Variants in MED13L observed in about 807,000 individuals in gnomAD.
The protein encoded by MED13L is mediator complex subunit 13L, also known as mediator of RNA polymerase II transcription subunit 13-like.
MED13L carries 7 observed loss-of-function variants against 220.9 expected under a neutral mutation model. The observed-to-expected ratio is 0.03, with a 90% CI of 0.02 to 0.06. MED13L has a LOEUF of 0.06. Ranked by LOEUF, MED13L falls within the 10% of genes least tolerant of loss-of-function variation. The probability of loss-of-function intolerance (pLI) is 1.00; values close to 1 mark genes in which losing one functional copy is unlikely to be tolerated. For synonymous variants in MED13L, 1,011 were observed against 1,015.2 expected (o/e 1.00, Z 0.08); for missense variants, 1,965 against 2,760.5 (o/e 0.71, Z 6.46).
At chr12:116,227,784 A>G (rs1309114902) in intron 2 of MED13L, among the ~76,000 whole-genome samples, 1 of 152,208 alleles carries the variant, frequency 6.6e-6, no homozygotes, top group Non-Finnish European at 1.5e-5. Context: ...TGTTCAAGTG[A>G]AAAGGAAGAA....
intron 4 of MED13L, among the ~76,000 whole-genome samples, chr12:116,028,606 C>T (rs1323757940): frequency 6.6e-6 from 1 of 152,134 alleles, no homozygotes; most frequent in East Asian, 1.9e-4. Context: ...ATAAATCAGA[C>T]ACAATGTAAC....
rs1875647571 is a variant in MED13L, at chr12:115,959,786, A to G, written c.*1480T>C. 6.6e-6 allele frequency: 1 copy of G among 152,620 alleles called. No individual in the cohort carries two copies. The highest frequency in any genetic ancestry group is 1.5e-5 in the Non-Finnish European group (1 of 68,030). 9.5% of individuals were successfully genotyped at this position (152,620 alleles called of 1,614,324 possible). On this transcript the variant is annotated 3_prime_UTR_variant, in exon 31 of 31. Transcript: ENST00000281928. ...AATATAATGTTTTAAACTTTAGATT[A>G]TTTCAAGAAAAATACTTTTACAAAA...
chr12:116,180,321 A>G (rs1880429622), intron 2 of MED13L, among the ~76,000 whole-genome samples: 1 of 152,224 alleles, frequency 6.6e-6, no homozygotes, highest in Admixed American at 6.5e-5. Context: ...ACATGATACC[A>G]CAAGCGAAAA....
chr12:116,039,760 A>G (rs986193783), intron 4 of MED13L, among the ~76,000 whole-genome samples: 4 of 152,116 alleles, frequency 2.6e-5, no homozygotes, highest in Non-Finnish European at 5.9e-5. Flanking sequence ...AGTGGAGATG[A>G]AAAAAGCATG....
intron 4 of MED13L, among the ~76,000 whole-genome samples, chr12:116,075,318 TACTACC>T (rs1288538920): frequency 2.0e-5 from 3 of 152,182 alleles, no homozygotes; most frequent in Admixed American, 6.5e-5. Context: ...GTATCACTAC[TACTACC>T]ACTTAATCTC....
chr12:116,016,370 T>C (rs1393793350), intron 7 of MED13L, among the ~76,000 whole-genome samples: 1 of 152,184 alleles, frequency 6.6e-6, no homozygotes, highest in Non-Finnish European at 1.5e-5. Flanking sequence ...AAAGTATTAC[T>C]ATATTACAAA....
chr12:116,028,377 T>A (rs939913247), intron 4 of MED13L, among the ~76,000 whole-genome samples: 4 of 152,184 alleles, frequency 2.6e-5, no homozygotes, highest in African/African-American at 9.7e-5. Flanking sequence ...TCACCCCATT[T>A]ATTTCATATA....
intron 2 of MED13L, among the ~76,000 whole-genome samples, chr12:116,190,497 T>C (rs969696818): frequency 2.0e-5 from 3 of 152,218 alleles, no homozygotes; most frequent in African/African-American, 7.2e-5. Context: ...TTAAAACACA[T>C]TCCTCCTTAT....
At chr12:116,028,684 G>T (rs1880546486) in intron 4 of MED13L, among the ~76,000 whole-genome samples, 1 of 152,096 alleles carries the variant, frequency 6.6e-6, no homozygotes, top group African/African-American at 2.4e-5. Flanking sequence ...ACTATCAAAT[G>T]AATACACAGA....
chr12:116,059,011 T>A (rs1218041436), intron 4 of MED13L, among the ~76,000 whole-genome samples: 1 of 152,248 alleles, frequency 6.6e-6, no homozygotes, highest in Non-Finnish European at 1.5e-5. Context: ...TACATTGATA[T>A]GTAATAGATT....
rs570754470 is a variant in MED13L, at chr12:116,042,304, G to A, written c.480-19703C>T. Among the ~76,000 whole-genome samples, 23 of 152,334 alleles carry A rather than the reference G, an allele frequency of 1.5e-4. No homozygotes were observed. The East Asian group carries it at 2.3e-3, about 15-fold the overall frequency. On this transcript the variant is annotated intron_variant, in intron 4 of 30. Coordinates refer to ENST00000281928, the MANE Select transcript of MED13L (RefSeq NM_015335.5). Reference sequence around the variant, plus strand: ...TACCATCTTGGCTATCCCTGAAAGTGTAATGAAGGAAACTTGAGTGTTGGA... The same window carrying A: ...TACCATCTTGGCTATCCCTGAAAGTATAATGAAGGAAACTTGAGTGTTGGA...
At chr12:115,967,170 C>CCA (rs753568544) in intron 28 of MED13L, among the ~76,000 whole-genome samples, 1 of 45,246 alleles carries the variant, frequency 2.2e-5, no homozygotes, top group Admixed American at 2.7e-4. Flanking sequence ...GACTCTGTCT[C>CCA]AAAAAAAAAA....
chr12:116,276,659 G>C, intron 1 of MED13L: 2 of 1,193,558 alleles, frequency 1.7e-6, no homozygotes, highest in Non-Finnish European at 2.1e-6. Flanking sequence ...AACGGGGGAA[G>C]AGGTTGCCGA....
At chr12:116,100,627 T>G (rs1373515197) in intron 3 of MED13L, among the ~76,000 whole-genome samples, 2 of 144,238 alleles carry the variant, frequency 1.4e-5, no homozygotes, top group Middle Eastern at 7.2e-3. Flanking sequence ...AAAAAATTAA[T>G]CAGCCAGGCA....
intron 4 of MED13L, among the ~76,000 whole-genome samples, chr12:116,065,752 T>C (rs1869871472): frequency 6.6e-6 from 1 of 152,198 alleles, no homozygotes; most frequent in East Asian, 1.9e-4. Flanking sequence ...GAAGAGGGAA[T>C]CACATTAGGC....
chr12:115,981,924 T>A (rs1199112231), intron 22 of MED13L: 2 of 162,652 alleles, frequency 1.2e-5, no homozygotes, highest in Non-Finnish European at 2.7e-5. Flanking sequence ...TTTTCTTTTA[T>A]ACTTTCATGT....
At position 115,975,723 on chromosome 12, in the gene MED13L, G is replaced by C. The variant is rs757943116; in HGVS notation, c.5380C>G (p.Gln1794Glu). Residue 1794 changes from glutamine to glutamate, a missense_variant, in exon 24 of 31, where the codon CAG (glutamine) becomes GAG (glutamate). Transcript: ENST00000281928. The part of the protein sequence containing the change: ...LKNPERPSPI[Q>E]LYSPPFILAP... ...AATATAAAGGGAGGGGAGTAAAGCT[G>C]GATTGGGCTGGGCCGCTGAAATCAA... The C allele has an allele frequency of 1.2e-6, 2 of 1,613,802 alleles. No homozygotes were observed. The highest frequency in any genetic ancestry group is 1.1e-5 in the South Asian group (1 of 91,050).
chr12:116,100,197 TAAGG>T (rs1389613424), intron 3 of MED13L, among the ~76,000 whole-genome samples: 1 of 152,124 alleles, frequency 6.6e-6, no homozygotes, highest in African/African-American at 2.4e-5. Flanking sequence ...GTGCCTTTTC[TAAGG>T]AAGACCTAAT....
At chr12:116,204,796 G>GTAT (rs1158495233) in intron 2 of MED13L, among the ~76,000 whole-genome samples, 2 of 152,112 alleles carry the variant, frequency 1.3e-5, no homozygotes. Context: ...AGATACTTAG[G>GTAT]TATTATTATT....
Sources: gnomAD v4.1 joint callset for allele counts (sites outside exome capture counted in the v4.1 genomes callset) on GRCh38, gnomAD v4.1.1 for gene constraint, MANE v1.5 for transcripts, NCBI Gene and HGNC (gene_info 2026-07-23, HGNC 2026-07-21) for gene names.